NHS: variants seen among roughly 807,000 people sequenced by gnomAD.
The protein encoded by NHS is NHS actin remodeling regulator, also known as actin remodeling regulator NHS.
A neutral mutation model predicts 72.5 loss-of-function variants in NHS; 5 were observed. The observed-to-expected ratio is 0.07, with a 90% CI of 0.04 to 0.14. The LOEUF (loss-of-function observed/expected upper bound fraction) is 0.14. NHS is among the 10% of genes least tolerant of loss of function. NHS has a pLI of 1.00. For synonymous variants in NHS, 464 were observed against 547.7 expected, an observed-to-expected ratio of 0.85 and a Z score of 2.13; for missense variants, 1,072 against 1,355.7, an observed-to-expected ratio of 0.79 and a Z score of 3.29.
At chrX:17,490,624 T>C (rs2064986760) in intron 1 of NHS, among the ~76,000 whole-genome samples, 1 of 112,355 alleles carries the variant, frequency 8.9e-6, no homozygotes, top group South Asian at 3.7e-4. Context: ...TTTGGTTCCA[T>C]ATGAAATTTA....
chrX:17,450,001 G>A (rs1325598566), intron 1 of NHS, among the ~76,000 whole-genome samples: 1 of 111,676 alleles, frequency 9.0e-6, no homozygotes, highest in African/African-American at 3.3e-5. Flanking sequence ...CAGAAAATGG[G>A]AGACATGCTC....
intron 1 of NHS, among the ~76,000 whole-genome samples, chrX:17,466,631 C>T (rs1302253652): frequency 8.9e-6 from 1 of 111,827 alleles, no homozygotes; most frequent in Non-Finnish European, 1.9e-5. Flanking sequence ...CTGGTTGCAT[C>T]ACTGGGGCAG....
chrX:17,629,054 G>A (rs2065812445), intron 1 of NHS, among the ~76,000 whole-genome samples: 1 of 112,471 alleles, frequency 8.9e-6, no homozygotes, highest in South Asian at 3.7e-4. Flanking sequence ...ATTACAGTAG[G>A]GCCAGATTGC....
At chrX:17,652,063 A>G (rs1251231989) in intron 1 of NHS, among the ~76,000 whole-genome samples, 1 of 112,485 alleles carries the variant, frequency 8.9e-6, no homozygotes, top group Non-Finnish European at 1.9e-5. Context: ...TGCACCATCC[A>G]TGGCTGCTTT....
chrX:17,543,555 T>C (rs936756623), intron 1 of NHS, among the ~76,000 whole-genome samples: 1 of 112,193 alleles, frequency 8.9e-6, no homozygotes, highest in Admixed American at 9.4e-5. Context: ...AAGGAAAACA[T>C]GCGCATTGTC....
At chrX:17,680,777 T>G (rs1421992357) in intron 1 of NHS, among the ~76,000 whole-genome samples, 1 of 110,622 alleles carries the variant, frequency 9.0e-6, no homozygotes, top group African/African-American at 3.3e-5. Context: ...ATTTCTGAGG[T>G]CCCTTCCATT....
At chrX:17,560,378 G>T (rs1241681236) in intron 1 of NHS, among the ~76,000 whole-genome samples, 1 of 112,555 alleles carries the variant, frequency 8.9e-6, no homozygotes, top group Non-Finnish European at 1.9e-5. Context: ...TCTGTATCTT[G>T]GACTTCCAAT....
chrX:17,542,504 A>G (rs2065269515), intron 1 of NHS, among the ~76,000 whole-genome samples: 1 of 113,050 alleles, frequency 8.8e-6, no homozygotes, highest in Non-Finnish European at 1.9e-5. Flanking sequence ...CCTGGCTGTC[A>G]TTACAACTAA....
In NHS at chrX:17,734,977, TTTA is replaced by T. The variant is rs2066512978; in HGVS notation, c.*2519_*2521del. ...TTGGCTTTAATAAAAATGTCACCTT[TTTA>T]TTATTGACATTAAGTAATGGTACCA... On this transcript the variant is annotated 3_prime_UTR_variant, in exon 9 of 9. Coordinates refer to ENST00000676302, the MANE Select transcript of NHS (RefSeq NM_001291867.2). 8.9e-6 allele frequency: 1 copy of T among 111,794 alleles called. No individual in the cohort carries two copies. The highest frequency in any genetic ancestry group is 3.7e-4 in the South Asian group (1 of 2,694). The allele number at this position is 111,794 out of a possible 1,213,427, so 9.2% of individuals were successfully genotyped here. A position where few individuals can be genotyped will look rare whatever the true frequency, so the allele number is the denominator to read the frequency against.
In NHS at chrX:17,498,171, T is replaced by A. The variant is rs148599454; in HGVS notation, c.565+121849T>A. 3.7e-3 allele frequency among the ~76,000 whole-genome samples: 410 copies of A among 112,302 alleles called. 1 individual carries two copies. The highest frequency in any genetic ancestry group is 0.012 in the African/African-American group (372 of 30,907). On this transcript the variant is annotated intron_variant, in intron 1 of 8. Coordinates refer to ENST00000676302, the MANE Select transcript of NHS (RefSeq NM_001291867.2). ...GAAGTTTCTGGGCCAAAATGTTTGT[T>A]CCTCTTCAGCTTTCTCGATATTACC...
At chrX:17,509,206 A>AATTTATTT (rs10691839) in intron 1 of NHS, among the ~76,000 whole-genome samples, 1,816 of 98,206 alleles carry the variant, frequency 0.018, 38 homozygotes, top group African/African-American at 0.058. Context: ...AGTTACAAGT[A>AATTTATTT]ATTTATTTAT....
intron 1 of NHS, among the ~76,000 whole-genome samples, chrX:17,597,945 A>C (rs1310616753): frequency 9.0e-6 from 1 of 111,182 alleles, no homozygotes; most frequent in African/African-American, 3.3e-5. Flanking sequence ...GGAGGGTAGG[A>C]CACTCCTGCT....
chrX:17,506,706 C>T (rs913083288), intron 1 of NHS, among the ~76,000 whole-genome samples: 12 of 110,889 alleles, frequency 1.1e-4, no homozygotes, highest in Non-Finnish European at 2.1e-4. Context: ...CTTTTAAATT[C>T]TCAACAAGAT....
intron 1 of NHS, among the ~76,000 whole-genome samples, chrX:17,478,166 C>T (rs1403960973): frequency 9.0e-6 from 1 of 111,631 alleles, no homozygotes; most frequent in Non-Finnish European, 1.9e-5. Context: ...TCTTCTTTCC[C>T]TTCTCATCCT....
chrX:17,590,682 G>C (rs1044133570), intron 1 of NHS, among the ~76,000 whole-genome samples: 11 of 111,682 alleles, frequency 9.8e-5, no homozygotes, highest in Admixed American at 1.9e-4. Context: ...TCTCCAAGCT[G>C]TCTTGCATTG....
In NHS at chrX:17,726,025, C is replaced by G; in HGVS notation, c.1919C>G (p.Thr640Arg). Residue 640 changes from threonine (T) to arginine (R), a missense_variant, in exon 7 of 9, where the codon ACG becomes AGG. Physicochemically the swap from Thr to Arg is moderately conservative, Grantham distance 71. Coordinates refer to ENST00000676302, the MANE Select transcript of NHS (RefSeq NM_001291867.2). ...SSGNWSGSSS[T>R]CPSQTSETIP... Reference sequence around the variant, plus strand: ...GGCAACTGGAGTGGGAGCAGCTCCACGTGCCCCTCGCAGACCTCAGAAACC... The same window carrying G: ...GGCAACTGGAGTGGGAGCAGCTCCAGGTGCCCCTCGCAGACCTCAGAAACC... The G allele has an allele frequency of 8.3e-7, 1 of 1,211,514 alleles. No homozygotes were observed. The highest frequency in any genetic ancestry group is 1.8e-5 in the South Asian group (1 of 56,982).
intron 1 of NHS, among the ~76,000 whole-genome samples, chrX:17,523,091 T>C (rs2065157974): frequency 8.9e-6 from 1 of 112,295 alleles, no homozygotes; most frequent in Admixed American, 9.3e-5. Context: ...GAGTTGTCCA[T>C]GGTCAGCAAG....
intron 1 of NHS, among the ~76,000 whole-genome samples, chrX:17,574,058 A>G (rs1212847325): frequency 9.0e-6 from 1 of 111,354 alleles, no homozygotes; most frequent in Non-Finnish European, 1.9e-5. Context: ...TGGAAGCTTC[A>G]TTCCAGAGGG....
At chrX:17,499,928 C>T (rs2065029760) in intron 1 of NHS, among the ~76,000 whole-genome samples, 1 of 112,054 alleles carries the variant, frequency 8.9e-6, no homozygotes, top group South Asian at 3.8e-4. Context: ...AGCTCTCACA[C>T]ATTGCCATGC....
Sources: allele counts gnomAD v4.1 joint callset (sites outside exome capture counted in the v4.1 genomes callset), GRCh38; gene constraint gnomAD v4.1.1; transcripts MANE v1.5; gene names NCBI Gene and HGNC (gene_info 2026-07-23, HGNC 2026-07-21).